The following TET3 variants were observed in gnomAD, a reference collection of about 807,000 sequenced individuals.
The protein encoded by TET3 is tet methylcytosine dioxygenase 3.
Under a neutral mutation model 141.4 loss-of-function variants are expected in TET3, and 19 were observed. The observed-to-expected ratio is 0.13, with a 90% CI of 0.09 to 0.20. TET3 has a LOEUF of 0.20. TET3 is among the 10% of genes least tolerant of loss of function. TET3 has a pLI of 1.00. For missense variants in TET3, 1,874 were observed against 2,356.9 expected (o/e 0.80, Z 4.24); for synonymous variants, 1,043 against 980.9 (o/e 1.06, Z -1.18).
chr2:74,058,533 A>C (rs1688331162), intron 4 of TET3, among the ~76,000 whole-genome samples: 1 of 152,196 alleles, frequency 6.6e-6, no homozygotes, highest in Non-Finnish European at 1.5e-5. Flanking sequence ...TTAAAAAAAA[A>C]AAAAGTTGGT....
chr2:74,021,675 C>T (rs1252698876), intron 3 of TET3, among the ~76,000 whole-genome samples: 2 of 152,150 alleles, frequency 1.3e-5, no homozygotes, highest in African/African-American at 2.4e-5. Context: ...GGTCAGGCAG[C>T]GTTGATCTCT....
Position 74,093,072 on chromosome 2 carries a change from G to A in TET3, c.3129+81G>A. ...GGCTCTGAAGGTGGGAAGTGGGAGA[G>A]TGGGCTCTTTTACTCTCTTATGGGA... is the stretch of plus-strand genomic sequence containing the variant. On this transcript the variant is annotated intron_variant, in intron 9 of 11. Coordinates refer to ENST00000409262, the MANE Select transcript of TET3 (RefSeq NM_001287491.2). The surrounding 1 kb of genome is among the most constrained non-coding windows in gnomAD (Gnocchi z 4.2). 2 of 1,320,182 alleles carry A rather than the reference G, an allele frequency of 1.5e-6. No homozygotes were observed. The highest frequency in any genetic ancestry group is 2.0e-5 in the Admixed American group (1 of 49,232). 81.8% of individuals were successfully genotyped at this position (1,320,182 alleles called of 1,614,324 possible).
At chr2:74,099,167 G>T in intron 10 of TET3, 109 bp from the exon 11 acceptor site, 1 of 999,242 alleles carries the variant, frequency 1.0e-6, no homozygotes, top group Non-Finnish European at 1.5e-6. Context: ...GGCTGGTATT[G>T]GGATTGTGTG....
intron 4 of TET3, among the ~76,000 whole-genome samples, chr2:74,065,715 T>C (rs1037692849): frequency 4.0e-5 from 6 of 151,340 alleles, no homozygotes; most frequent in Admixed American, 6.6e-5. Context: ...CTTTCTTTCC[T>C]TCTTTCCTTT....
At chr2:73,997,582 T>C (rs1684657938) in intron 2 of TET3, among the ~76,000 whole-genome samples, 1 of 152,130 alleles carries the variant, frequency 6.6e-6, no homozygotes, top group African/African-American at 2.4e-5. Context: ...CTTCCTGGTG[T>C]ATCCTGGGTC....
chr2:74,048,100 C>G lies in TET3; in HGVS notation c.2183C>G (p.Pro728Arg), dbSNP rs572425839. Residue 728 changes from proline (P) to arginine (R), a missense_variant, in exon 4 of 12, where the codon CCT (proline) becomes CGT (arginine). Pro to Arg is a moderately radical substitution (Grantham distance 103, BLOSUM62 -2). Around this residue, in one of 10 missense-constraint regions of TET3, gnomAD observed 484 missense variants for 462.2 expected, o/e 1.05. Transcript: ENST00000409262. ...FGDSFGLPGP[P>R]SVPIQDPENQ... ...GATAGCTTTGGGCTTCCCGGCCCCC[C>G]TTCTGTGCCCATTCAGGACCCCGAG... The G allele has an allele frequency of 1.4e-5, 23 of 1,613,640 alleles. No homozygotes were observed. In the East Asian group the frequency reaches 2.0e-4, roughly 14 times the overall value.
rs1359557958 is a variant in TET3 at position 74,100,553 on chromosome 2, C to T, written c.3765C>T (p.Asn1255=). ...NCRPSDPYSM[N]SVYSYHSYYA... ...GGCCCTCCGACCCTTACAGCATGAA[C>T]AGCGTGTACTCCTACCACTCCTACT... Residue 1255 remains asparagine, a synonymous_variant, in exon 12 of 12, where the codon AAC becomes AAT. Coordinates refer to ENST00000409262, the MANE Select transcript of TET3 (RefSeq NM_001287491.2). 1 of 1,613,084 alleles carries T rather than the reference C, an allele frequency of 6.2e-7. No individual in the cohort carries two copies. The highest frequency in any genetic ancestry group is 8.5e-7 in the Non-Finnish European group (1 of 1,179,574).
At position 74,047,052 on chromosome 2, in the gene TET3, C is replaced by A. The variant is rs769320734; in HGVS notation, c.1135C>A (p.Gln379Lys). The A allele has an allele frequency of 5.0e-6, 8 of 1,613,890 alleles. No homozygotes were observed. The highest frequency in any genetic ancestry group is 3.3e-5 in the Admixed American group (2 of 60,010). ...ALPQPSHSTP[Q>K]ASCPLPEALS... ...CCCGCAGCCTTCTCATTCCACCCCC[C>A]AGGCTTCTTGCCCCCTTCCTGAGGC... is the stretch of plus-strand genomic sequence containing the variant. The change falls in exon 4 of 12, where the codon CAG becomes AAG. Residue 379 changes from glutamine to lysine, a missense_variant. Physicochemically the swap from Gln to Lys is moderately conservative, Grantham distance 53. Transcript: ENST00000409262.
rs1420124916 is a variant in TET3, at chr2:74,102,670, C to T, written c.*494C>T. 1.3e-5 allele frequency: 2 copies of T among 152,186 alleles called. No homozygotes were observed. The highest frequency in any genetic ancestry group is 2.4e-5 in the African/African-American group (1 of 41,440). The allele number at this position is 152,186 out of a possible 1,614,324, so 9.4% of individuals were successfully genotyped here. A position where few individuals can be genotyped will look rare whatever the true frequency, so the allele number is the denominator to read the frequency against. On this transcript the variant is annotated 3_prime_UTR_variant, in exon 12 of 12. Coordinates refer to ENST00000409262, the MANE Select transcript of TET3 (RefSeq NM_001287491.2). ...CCAGTAGTGCTCCCCCGCCCAGTCT[C>T]GCTGGGTCTGGCGAGCCAAGCCCCT...
chr2:74,080,684 C>T, intron 6 of TET3, 93 bp downstream of exon 6: 1 of 944,338 alleles, frequency 1.1e-6, no homozygotes, highest in Non-Finnish European at 1.5e-6. Context: ...CTGCATGTAG[C>T]TGAGCAGGCG....
At chr2:74,008,958 A>G (rs947819494) in intron 3 of TET3, among the ~76,000 whole-genome samples, 1 of 152,138 alleles carries the variant, frequency 6.6e-6, no homozygotes, top group East Asian at 1.9e-4. Context: ...TCCTAACCTC[A>G]TGGGCTTTGC....
chr2:73,996,208 T>G (rs1192024236), intron 2 of TET3, among the ~76,000 whole-genome samples: 1 of 152,182 alleles, frequency 6.6e-6, no homozygotes, highest in Non-Finnish European at 1.5e-5. Context: ...TCTCAGGAGT[T>G]GTCACTAATT....
chr2:74,105,656 T>G lies in TET3; in HGVS notation c.*3480T>G. 1 of 342,428 alleles carries G rather than the reference T, an allele frequency of 2.9e-6. No individual in the cohort carries two copies. The highest frequency in any genetic ancestry group is 7.4e-4 in the Middle Eastern group (1 of 1,346). 21.2% of individuals were successfully genotyped at this position (342,428 alleles called of 1,614,324 possible). On this transcript the variant is annotated 3_prime_UTR_variant, in exon 12 of 12. Coordinates refer to ENST00000409262, the MANE Select transcript of TET3 (RefSeq NM_001287491.2). Reference sequence around the variant, plus strand: ...CTCTTGGTCCTTCCACCAGCCTCTTTTGGGAACAGTAGTTTGCAGAGCAAG... The same window carrying G: ...CTCTTGGTCCTTCCACCAGCCTCTTGTGGGAACAGTAGTTTGCAGAGCAAG...
rs758709938 is a variant in TET3, at chr2:74,102,085, G to A, written c.5297G>A (p.Arg1766Gln). Residue 1766 changes from arginine (R) to glutamine (Q), a missense_variant, in exon 12 of 12, where the codon CGG becomes CAG. Physicochemically the swap from Arg to Gln is conservative, Grantham distance 43. Transcript: ENST00000409262. ...GAGAAGAAGGGGGTCGTCCCCACCCGGCAGGCACTGGCTGTGCCCACAGAC... is the reference window on the plus strand; with the variant it reads ...GAGAAGAAGGGGGTCGTCCCCACCCAGCAGGCACTGGCTGTGCCCACAGAC... Reference protein sequence around the residue: ...QKEKKGVVPTRQALAVPTDSA... With the variant: ...QKEKKGVVPTQQALAVPTDSA... 2.4e-5 allele frequency: 36 copies of A among 1,504,566 alleles called. No homozygotes were observed. Among genetic ancestry groups the A allele is most frequent in the African/African-American group, 2.8e-5 (2 of 71,354 alleles). The allele number at this position is 1,504,566 out of a possible 1,614,324, so 93.2% of individuals were successfully genotyped here.
At chr2:74,021,143 T>G (rs1305840513) in intron 3 of TET3, among the ~76,000 whole-genome samples, 1 of 152,240 alleles carries the variant, frequency 6.6e-6, no homozygotes, top group Non-Finnish European at 1.5e-5. Context: ...CATCTCCCAG[T>G]GCCCACCTGG....
In TET3 at chr2:74,046,482, G is replaced by C. The variant is rs1687626746; in HGVS notation, c.565G>C (p.Ala189Pro). 6.2e-7 allele frequency: 1 copy of C among 1,613,668 alleles called. No homozygotes were observed. The highest frequency in any genetic ancestry group is 8.5e-7 in the Non-Finnish European group (1 of 1,179,696). ...CGACTGGGAGGCTGCCCCAGGCCCAGCTCATACTGCTCGCCTGGAAGATGC... is the reference window on the plus strand; with the variant it reads ...CGACTGGGAGGCTGCCCCAGGCCCACCTCATACTGCTCGCCTGGAAGATGC... ...KPDWEAAPGP[A>P]HTARLEDAHD... The change falls in exon 4 of 12, where the codon GCT becomes CCT. Residue 189 changes from alanine (A) to proline (P), a missense_variant. Transcript: ENST00000409262. This position sits in a 1 kb window ranked among gnomAD's most constrained non-coding sequence, Gnocchi z 4.3.
At chr2:73,985,623 T>C (rs1275761112) in intron 1 of TET3, among the ~76,000 whole-genome samples, 1 of 149,336 alleles carries the variant, frequency 6.7e-6, no homozygotes, top group East Asian at 2.0e-4. Flanking sequence ...CAGCAAACTT[T>C]ATTTTGAAAG....
chr2:74,047,208 A>G lies in TET3; in HGVS notation c.1291A>G (p.Thr431Ala). 2 of 1,613,900 alleles carry G rather than the reference A, an allele frequency of 1.2e-6. No individual in the cohort carries two copies. The highest frequency in any genetic ancestry group is 1.1e-5 in the South Asian group (1 of 91,072). ...TGCCTTCCCTCCAGCAACTCCTAGA[A>G]CTGAGTTCCCTGAAGCCTGGGGCAC... ...SSAFPPATPR[T>A]EFPEAWGTDT... Residue 431 changes from threonine to alanine, a missense_variant, in exon 4 of 12, where the codon ACT (threonine) becomes GCT (alanine). Around this residue, in one of 10 missense-constraint regions of TET3, gnomAD observed 484 missense variants for 462.2 expected, o/e 1.05. Transcript: ENST00000409262.
the TET3 span, among the ~76,000 whole-genome samples, chr2:74,134,242 G>A: frequency 6.6e-6 from 1 of 152,142 alleles, no homozygotes; most frequent in Non-Finnish European, 1.5e-5. Flanking sequence ...GTGTCTAGCT[G>A]TTTCAGAGGT....
Sources: allele counts gnomAD v4.1 joint callset (sites outside exome capture counted in the v4.1 genomes callset), GRCh38; gene constraint gnomAD v4.1.1; regional missense constraint gnomAD v4.1.1; non-coding constraint Gnocchi (gnomAD v3.1); transcripts MANE v1.5; gene names NCBI Gene and HGNC (gene_info 2026-07-23, HGNC 2026-07-21).